The following CFAP70 variants were observed in gnomAD, a reference collection of about 807,000 sequenced individuals.
The protein encoded by CFAP70 is cilia- and flagella-associated protein 70.
CFAP70 carries 81 observed loss-of-function variants against 137.6 expected under a neutral mutation model. That is an observed-to-expected ratio of 0.59 (90% CI 0.49 to 0.71). CFAP70 has a LOEUF of 0.71. CFAP70 is among the 30% of genes least tolerant of loss of function. CFAP70 has a pLI of 0.00. For synonymous variants in CFAP70, 382 were observed against 423.6 expected, an observed-to-expected ratio of 0.90 and a Z score of 1.20; for missense variants, 976 against 1,226.7, an observed-to-expected ratio of 0.80 and a Z score of 3.05.
chr10:73,321,045 TTTTTAG>T (rs2050808239), intron 9 of CFAP70, among the ~76,000 whole-genome samples: 1 of 152,236 alleles, frequency 6.6e-6, no homozygotes, highest in Non-Finnish European at 1.5e-5. Context: ...TTTAACCTCA[TTTTTAG>T]TTTTTGCTAT....
intron 3 of CFAP70, among the ~76,000 whole-genome samples, chr10:73,351,043 A>G (rs1460231309): frequency 1.5e-4 from 14 of 92,082 alleles, no homozygotes; most frequent in South Asian, 4.8e-4. Flanking sequence ...ATGTGTGTAT[A>G]TATGTGTGTG....
At chr10:73,284,449 G>A (rs906254445) in intron 19 of CFAP70, among the ~76,000 whole-genome samples, 1 of 151,904 alleles carries the variant, frequency 6.6e-6, no homozygotes, top group South Asian at 2.1e-4. Flanking sequence ...AGGTCCCAGG[G>A]ATTAGGACAT....
intron 25 of CFAP70, among the ~76,000 whole-genome samples, chr10:73,259,031 G>C (rs923749666): frequency 1.3e-5 from 2 of 152,100 alleles, no homozygotes; most frequent in Admixed American, 6.5e-5. Flanking sequence ...TGCCCTTGAA[G>C]CATGTGATCT....
At chr10:73,264,925 G>T (rs1354462935) in intron 25 of CFAP70, among the ~76,000 whole-genome samples, 2 of 152,166 alleles carry the variant, frequency 1.3e-5, no homozygotes, top group Admixed American at 1.3e-4. Flanking sequence ...GGACATCACA[G>T]TGTCATCCCT....
intron 25 of CFAP70, among the ~76,000 whole-genome samples, chr10:73,268,755 A>C (rs1196491034): frequency 6.6e-6 from 1 of 151,428 alleles, no homozygotes; most frequent in Non-Finnish European, 1.5e-5. Context: ...GTGCAGTGGC[A>C]CAATCTCAGC....
intron 19 of CFAP70, among the ~76,000 whole-genome samples, chr10:73,284,805 A>G (rs1418693248): frequency 1.3e-5 from 1 of 77,846 alleles, no homozygotes; most frequent in East Asian, 4.3e-4. Flanking sequence ...TATATATATA[A>G]AAGTTGTTTT....
In CFAP70 at chr10:73,312,553, G is replaced by A; in HGVS notation, c.1003C>T (p.Gln335Ter). ...TCTTTCAGATTCTTAGAAACAGCTT[G>A]TTTGGACAGCAGAGAATTAATTCCT... Residue 335 changes from glutamine to a stop codon, truncating the protein, a stop_gained, in exon 10 of 27, where the codon CAA becomes TAA. Coordinates refer to ENST00000310715, the Ensembl canonical transcript of CFAP70. LOFTEE classifies it high-confidence loss of function. 1 of 1,612,668 alleles carries A rather than the reference G, an allele frequency of 6.2e-7. No homozygotes were observed. The highest frequency in any genetic ancestry group is 8.5e-7 in the Non-Finnish European group (1 of 1,179,190).
At chr10:73,361,001 CTTT>C (rs557958831), upstream of CFAP70, among the ~76,000 whole-genome samples, 4 of 141,500 alleles carry the variant, frequency 2.8e-5, no homozygotes, top group Admixed American at 1.4e-4. Context: ...TTACAATTTT[CTTT>C]TTTTTTTTTT....
At chr10:73,312,756 C>CAG (rs2050021666) in intron 9 of CFAP70, 113 bp from the exon 11 acceptor site, 11 of 935,456 alleles carry the variant, frequency 1.2e-5, no homozygotes, top group South Asian at 9.2e-5. Context: ...CATTTAATAT[C>CAG]AGAGAGAGAG....
intron 5 of CFAP70, among the ~76,000 whole-genome samples, chr10:73,343,409 C>T (rs2053445158): frequency 6.6e-6 from 1 of 151,714 alleles, no homozygotes; most frequent in African/African-American, 2.4e-5. Flanking sequence ...AAGACTACTG[C>T]ATAAAACTAG....
chr10:73,268,503 T>C (rs1421876742), intron 25 of CFAP70, among the ~76,000 whole-genome samples: 6 of 152,106 alleles, frequency 3.9e-5, no homozygotes, highest in Admixed American at 2.0e-4. Context: ...TATACATCTG[T>C]ATATATATCC....
chr10:73,341,507 T>C, exon 6 of CFAP70: 2 of 1,614,228 alleles, frequency 1.2e-6, no homozygotes, highest in Non-Finnish European at 1.7e-6. Context: ...TTGGCCACTT[T>C]TTGGGCCGGG....
chr10:73,359,760 A>T (rs1473193358), upstream of CFAP70, among the ~76,000 whole-genome samples: 1 of 152,068 alleles, frequency 6.6e-6, no homozygotes, highest in Non-Finnish European at 1.5e-5. Flanking sequence ...GTGATTTTGG[A>T]ATGCTTCCAT....
rs531707618 is a variant in CFAP70, at chr10:73,283,337, A to G, written c.2240-5000T>C. 4.6e-5 allele frequency among the ~76,000 whole-genome samples: 7 copies of G among 152,296 alleles called. No homozygotes were observed. In the South Asian group the frequency reaches 1.5e-3, roughly 32 times the overall value. The stretch of plus-strand genomic sequence containing the variant: ...TGTTGTTGGGTGATCTATAATATCA[A>G]TTGGATCCCACTGGTTAATGGTGCT... On this transcript the variant is annotated intron_variant, in intron 19 of 26. Transcript: ENST00000310715.
intron 3 of CFAP70, 38 bp downstream of exon 3, chr10:73,353,518 C>T (rs2054438175): frequency 6.3e-7 from 1 of 1,579,744 alleles, no homozygotes; most frequent in African/African-American, 1.4e-5. Flanking sequence ...GGGAAGAAGG[C>T]AATCGGGACA....
At chr10:73,321,751 A>G (rs1445531353) in intron 9 of CFAP70, among the ~76,000 whole-genome samples, 1 of 152,006 alleles carries the variant, frequency 6.6e-6, no homozygotes, top group African/African-American at 2.4e-5. Flanking sequence ...CAGTTTTTCC[A>G]TATTTAACAA....
chr10:73,351,621 C>T (rs1010552282), intron 3 of CFAP70, among the ~76,000 whole-genome samples: 10 of 152,108 alleles, frequency 6.6e-5, no homozygotes, highest in African/African-American at 2.2e-4. Flanking sequence ...TTAGTAGAGA[C>T]GGGGTTTTGC....
intron 25 of CFAP70, among the ~76,000 whole-genome samples, chr10:73,259,941 C>T (rs1334464999): frequency 4.6e-5 from 7 of 151,562 alleles, no homozygotes; most frequent in Non-Finnish European, 1.0e-4. Context: ...GCAGTAGGAT[C>T]ATTTGAGCCT....
intron 25 of CFAP70, among the ~76,000 whole-genome samples, chr10:73,263,454 T>A (rs1457473449): frequency 6.6e-6 from 1 of 152,242 alleles, no homozygotes; most frequent in African/African-American, 2.4e-5. Flanking sequence ...CCAGTTTCTT[T>A]TAATCTGGAA....
Sources: allele counts gnomAD v4.1 joint callset (sites outside exome capture counted in the v4.1 genomes callset), GRCh38; gene constraint gnomAD v4.1.1; transcripts MANE v1.5; gene names NCBI Gene and HGNC (gene_info 2026-07-23, HGNC 2026-07-21).